TMEM132D: variants seen among roughly 807,000 people sequenced by gnomAD.
TMEM132D encodes transmembrane protein 132D.
In TMEM132D, 21 loss-of-function variants were observed where a neutral mutation model predicts 62.3. That is an observed-to-expected ratio of 0.34 (90% CI 0.24 to 0.49). The LOEUF (loss-of-function observed/expected upper bound fraction) is 0.49. Among genes scored for constraint, TMEM132D ranks in the 20% least tolerant of loss-of-function variants. The probability of loss-of-function intolerance (pLI) is 0.99; values close to 1 mark genes in which losing one functional copy is unlikely to be tolerated. For synonymous variants in TMEM132D, 621 were observed against 575.6 expected (o/e 1.08, Z -1.13); for missense variants, 1,346 against 1,402.8 (o/e 0.96, Z 0.65).
intron 5 of TMEM132D, among the ~76,000 whole-genome samples, chr12:129,178,449 T>G (rs1446950151): frequency 6.7e-6 from 1 of 150,350 alleles, no homozygotes; most frequent in Non-Finnish European, 1.5e-5. Flanking sequence ...TTTTTTTTTT[T>G]GTGACTTTTT....
intron 2 of TMEM132D, among the ~76,000 whole-genome samples, chr12:129,570,935 G>A (rs1877494577): frequency 6.6e-6 from 1 of 152,160 alleles, no homozygotes; most frequent in Non-Finnish European, 1.5e-5. Context: ...GGGAGATCAT[G>A]TTCCCCCAGC....
chr12:129,157,955 A>G (rs1294309814), intron 5 of TMEM132D, among the ~76,000 whole-genome samples: 1 of 152,104 alleles, frequency 6.6e-6, no homozygotes, highest in Non-Finnish European at 1.5e-5. Context: ...GTTTGGATGG[A>G]GAGATAGAAT....
At chr12:129,150,465 T>C (rs73163109) in intron 5 of TMEM132D, among the ~76,000 whole-genome samples, 40,844 of 152,206 alleles carry the variant, frequency 0.27, 5,658 homozygotes, top group Middle Eastern at 0.37. Flanking sequence ...TAATGATTTA[T>C]GGTTTATTAC....
chr12:129,495,932 GTTTTAC>G (rs978424838), intron 3 of TMEM132D, among the ~76,000 whole-genome samples: 9 of 152,186 alleles, frequency 5.9e-5, no homozygotes. Flanking sequence ...GGGAGATTCA[GTTTTAC>G]TTTTACAAGT....
chr12:129,287,450 C>A (rs1341435796), intron 4 of TMEM132D, among the ~76,000 whole-genome samples: 1 of 152,124 alleles, frequency 6.6e-6, no homozygotes, highest in Admixed American at 6.6e-5. Context: ...CAAAATATGG[C>A]AATTAATAGG....
intron 4 of TMEM132D, among the ~76,000 whole-genome samples, chr12:129,261,082 C>T (rs1880538674): frequency 6.6e-6 from 1 of 152,220 alleles, no homozygotes; most frequent in Non-Finnish European, 1.5e-5. Flanking sequence ...TTTAAGGAAT[C>T]TCCACACTGT....
At chr12:129,619,293 C>T (rs183539280) in intron 2 of TMEM132D, among the ~76,000 whole-genome samples, 74 of 152,240 alleles carry the variant, frequency 4.9e-4, no homozygotes, top group East Asian at 2.5e-3. Flanking sequence ...TGCATACATA[C>T]GCTCAGGAAG....
chr12:129,654,614 C>T (rs940938552), intron 2 of TMEM132D, among the ~76,000 whole-genome samples: 1 of 152,194 alleles, frequency 6.6e-6, no homozygotes, highest in Non-Finnish European at 1.5e-5. Context: ...AAGCCCCCAA[C>T]AAAATTCATG....
At chr12:129,638,207 G>A (rs902011071) in intron 2 of TMEM132D, among the ~76,000 whole-genome samples, 3 of 152,252 alleles carry the variant, frequency 2.0e-5, no homozygotes, top group East Asian at 1.9e-4. Context: ...GTCCTTACCC[G>A]TTTTATTAAT....
chr12:129,729,770 C>CA (rs775219828), intron 1 of TMEM132D, among the ~76,000 whole-genome samples: 2 of 152,146 alleles, frequency 1.3e-5, no homozygotes, highest in Non-Finnish European at 2.9e-5. Context: ...TGTATATGAT[C>CA]AAAATTGCCA....
intron 1 of TMEM132D, among the ~76,000 whole-genome samples, chr12:129,866,073 G>A (rs1874048814): frequency 6.6e-6 from 1 of 152,156 alleles, no homozygotes; most frequent in Non-Finnish European, 1.5e-5. Flanking sequence ...GTTTAAAACT[G>A]TATGCTTATT....
chr12:129,273,870 A>T (rs12820570), intron 4 of TMEM132D, among the ~76,000 whole-genome samples: 4,069 of 151,584 alleles, frequency 0.027, 96 homozygotes, highest in South Asian at 0.058. Flanking sequence ...CAATATACCC[A>T]TATAACACAC....
At chr12:129,184,535 C>A (rs2135552760) in intron 5 of TMEM132D, among the ~76,000 whole-genome samples, 1 of 152,300 alleles carries the variant, frequency 6.6e-6, no homozygotes, top group South Asian at 2.1e-4. Context: ...ATGGGACTAG[C>A]CCAGAAGGGC....
At chr12:129,222,535 T>C (rs1417515974) in intron 4 of TMEM132D, among the ~76,000 whole-genome samples, 1 of 152,196 alleles carries the variant, frequency 6.6e-6, no homozygotes, top group Non-Finnish European at 1.5e-5. Flanking sequence ...GTATGATCAA[T>C]GAAATTTTAT....
intron 1 of TMEM132D, among the ~76,000 whole-genome samples, chr12:129,792,425 T>C (rs1008196503): frequency 6.6e-6 from 1 of 152,174 alleles, no homozygotes; most frequent in Non-Finnish European, 1.5e-5. Context: ...TAAATAAGCA[T>C]GGGAGAGTAA....
At chr12:129,746,847 C>T (rs1476368569) in intron 1 of TMEM132D, among the ~76,000 whole-genome samples, 1 of 152,100 alleles carries the variant, frequency 6.6e-6, no homozygotes, top group African/African-American at 2.4e-5. Flanking sequence ...CAACTCTATC[C>T]GTGCAACTTG....
intron 2 of TMEM132D, among the ~76,000 whole-genome samples, chr12:129,667,005 T>TAAAAAAAATTCTGTGGGTATA: frequency 6.6e-6 from 1 of 152,038 alleles, no homozygotes; most frequent in Non-Finnish European, 1.5e-5. Flanking sequence ...GTTAATCTTA[T>TAAAAAAAATTCTGTGGGTATA]AAAAAAATTC....
chr12:129,642,598 T>G (rs978488553), intron 2 of TMEM132D, among the ~76,000 whole-genome samples: 3 of 152,204 alleles, frequency 2.0e-5, no homozygotes, highest in African/African-American at 7.2e-5. Context: ...GCTCTATCCT[T>G]TGGGGTAGGC....
chr12:129,201,230 A>G (rs114363378), intron 5 of TMEM132D, among the ~76,000 whole-genome samples: 110 of 152,360 alleles, frequency 7.2e-4, no homozygotes, highest in African/African-American at 2.5e-3. Flanking sequence ...CAAAAACCTC[A>G]GCAAATTTTT....
Sources: allele counts gnomAD v4.1 joint callset (sites outside exome capture counted in the v4.1 genomes callset), GRCh38; gene constraint gnomAD v4.1.1; transcripts MANE v1.5; gene names NCBI Gene and HGNC (gene_info 2026-07-23, HGNC 2026-07-21).